The following CRY1 variants were observed in gnomAD, a reference collection of about 807,000 sequenced individuals.
CRY1 encodes the protein cryptochrome circadian regulator 1.
CRY1 carries 45 observed loss-of-function variants against 76.0 expected under a neutral mutation model. That is an observed-to-expected ratio of 0.59 (90% CI 0.47 to 0.76). The LOEUF is 0.76. Among genes scored for constraint, CRY1 ranks in the 30% least tolerant of loss-of-function variants. CRY1 has a pLI of 0.00. For missense variants in CRY1, 587 were observed against 716.4 expected (o/e 0.82, Z 2.06); for synonymous variants, 248 against 244.0 (o/e 1.02, Z -0.15).
At chr12:107,034,297 G>A (rs967155132) in intron 1 of CRY1, among the ~76,000 whole-genome samples, 1 of 151,906 alleles carries the variant, frequency 6.6e-6, no homozygotes, top group African/African-American at 2.4e-5. Flanking sequence ...TACCCTATAT[G>A]GTCTAAAAAG....
chr12:106,992,746 ATACTCTTC>A, intron 12 of CRY1, 33 bp downstream of exon 12: 1 of 1,463,184 alleles, frequency 6.8e-7, no homozygotes, highest in East Asian at 2.3e-5. Flanking sequence ...TGTTAATTAT[ATACTCTTC>A]TAAAGCAAGA....
chr12:107,015,121 C>T (rs905099822), intron 2 of CRY1, among the ~76,000 whole-genome samples: 5 of 152,246 alleles, frequency 3.3e-5, no homozygotes, highest in South Asian at 2.1e-4. Flanking sequence ...TGTGATCCGC[C>T]GGCCTCAGCC....
chr12:107,089,400 T>A (rs1953442941), intron 1 of CRY1, among the ~76,000 whole-genome samples: 1 of 152,124 alleles, frequency 6.6e-6, no homozygotes, highest in African/African-American at 2.4e-5. Flanking sequence ...AGTAGCCCAT[T>A]CATAGCTCAT....
At chr12:107,054,650 GAA>G (rs112933503) in intron 1 of CRY1, among the ~76,000 whole-genome samples, 1 of 98,838 alleles carries the variant, frequency 1.0e-5, no homozygotes, top group Non-Finnish European at 2.2e-5. Context: ...CAGAAAGTTT[GAA>G]AAAAAAAAAA....
At chr12:107,026,160 T>TATATATATATATTAAATATATATATAAA (rs1166056898) in intron 1 of CRY1, among the ~76,000 whole-genome samples, 1 of 75,910 alleles carries the variant, frequency 1.3e-5, no homozygotes, top group Non-Finnish European at 2.2e-5. Context: ...ATATATAAAA[T>TATATATATATATTAAATATATATATAAA]ATATATATAT....
intron 1 of CRY1, among the ~76,000 whole-genome samples, chr12:107,092,215 A>G (rs953906427): frequency 2.6e-5 from 4 of 152,180 alleles, no homozygotes; most frequent in Admixed American, 1.3e-4. Flanking sequence ...TGATCCCTAG[A>G]AGGACTACAA....
chr12:107,062,655 C>T (rs1953061598), intron 1 of CRY1, among the ~76,000 whole-genome samples: 1 of 152,178 alleles, frequency 6.6e-6, no homozygotes. Flanking sequence ...ACAAATACCT[C>T]ATTTCTACAA....
chr12:107,063,094 T>C (rs1192822140), intron 1 of CRY1, among the ~76,000 whole-genome samples: 1 of 152,228 alleles, frequency 6.6e-6, no homozygotes, highest in African/African-American at 2.4e-5. Context: ...GAAACAAAAC[T>C]GTGCCAGCAG....
intron 1 of CRY1, among the ~76,000 whole-genome samples, chr12:107,053,504 G>A (rs1029018859): frequency 6.6e-6 from 1 of 152,170 alleles, no homozygotes; most frequent in African/African-American, 2.4e-5. Flanking sequence ...TTTTAGTAGA[G>A]AGGGGGTTTC....
intron 2 of CRY1, among the ~76,000 whole-genome samples, chr12:107,008,849 G>A (rs550285954): frequency 1.3e-5 from 2 of 152,142 alleles, no homozygotes; most frequent in South Asian, 2.1e-4. Flanking sequence ...TTTTTTAAAG[G>A]GCAGTTCCCC....
intron 1 of CRY1, among the ~76,000 whole-genome samples, chr12:107,036,898 T>C (rs569790023): frequency 6.6e-5 from 10 of 152,254 alleles, no homozygotes; most frequent in Admixed American, 2.6e-4. Flanking sequence ...TTATCTAAAA[T>C]AGACCTCTCC....
chr12:107,005,307 T>C (rs568891874), intron 2 of CRY1, 59 bp from the exon 3 acceptor site: 1 of 1,509,044 alleles, frequency 6.6e-7, no homozygotes, highest in East Asian at 2.3e-5. Context: ...TTTTCTATTA[T>C]AACGAAAAGT....
At chr12:106,994,608 C>G (rs1407654309) in intron 10 of CRY1, among the ~76,000 whole-genome samples, 1 of 152,182 alleles carries the variant, frequency 6.6e-6, no homozygotes, top group African/African-American at 2.4e-5. Context: ...ATATAATAAA[C>G]TACCCTATAT....
chr12:107,070,439 C>A (rs995302263), intron 1 of CRY1, among the ~76,000 whole-genome samples: 2 of 151,908 alleles, frequency 1.3e-5, no homozygotes, highest in East Asian at 1.9e-4. Flanking sequence ...CATGAACACA[C>A]AGTTACAAAA....
At chr12:107,078,906 T>A (rs1281198028) in intron 1 of CRY1, among the ~76,000 whole-genome samples, 1 of 152,170 alleles carries the variant, frequency 6.6e-6, no homozygotes, top group Non-Finnish European at 1.5e-5. Flanking sequence ...AGGCTTCCTC[T>A]TATATCTTCC....
intron 1 of CRY1, among the ~76,000 whole-genome samples, chr12:107,046,691 TAA>T (rs1952852666): frequency 6.6e-6 from 1 of 152,084 alleles, no homozygotes; most frequent in Non-Finnish European, 1.5e-5. Context: ...AAGGGATGAA[TAA>T]AGATATTCCA....
At chr12:107,072,172 A>G (rs1953197988) in intron 1 of CRY1, among the ~76,000 whole-genome samples, 1 of 109,930 alleles carries the variant, frequency 9.1e-6, no homozygotes, top group African/African-American at 2.8e-5. Context: ...TCTTTCTACA[A>G]CCACCTTTCT....
intron 1 of CRY1, among the ~76,000 whole-genome samples, chr12:107,051,336 C>T (rs1196695084): frequency 6.6e-6 from 1 of 152,018 alleles, no homozygotes; most frequent in Non-Finnish European, 1.5e-5. Flanking sequence ...TCTTATAGTC[C>T]TACTGCTTTT....
At chr12:107,069,652 T>TATATAA (rs1217116362) in intron 1 of CRY1, among the ~76,000 whole-genome samples, 6 of 133,722 alleles carry the variant, frequency 4.5e-5, no homozygotes, top group African/African-American at 1.7e-4. Context: ...AAAAAGTATA[T>TATATAA]AAAGTATATA....
Sources: gnomAD v4.1 joint callset for allele counts (sites outside exome capture counted in the v4.1 genomes callset) on GRCh38, gnomAD v4.1.1 for gene constraint, MANE v1.5 for transcripts, NCBI Gene and HGNC (gene_info 2026-07-23, HGNC 2026-07-21) for gene names.